VRK2: variants seen among roughly 807,000 people sequenced by gnomAD.
VRK2 encodes the protein VRK serine/threonine kinase 2.
A neutral mutation model predicts 57.6 loss-of-function variants in VRK2; 60 were observed. The ratio of observed to expected loss-of-function variants is 1.04; its 90% CI spans 0.85 to 1.29. The LOEUF (loss-of-function observed/expected upper bound fraction) is 1.29. VRK2 is among the 50% of genes most tolerant of loss of function. The pLI, the probability that VRK2 is intolerant of heterozygous loss-of-function variation, is 0.00. For synonymous variants in VRK2, 231 were observed against 199.2 expected, an observed-to-expected ratio of 1.16 and a Z score of -1.35; for missense variants, 705 against 588.1, an observed-to-expected ratio of 1.20 and a Z score of -2.06.
At chr2:58,096,408 G>A (rs1184750697) in intron 7 of VRK2, among the ~76,000 whole-genome samples, 1 of 151,926 alleles carries the variant, frequency 6.6e-6, no homozygotes. Flanking sequence ...GTAGTTCTTT[G>A]TGATTCTCTA....
rs1682135370 is a variant in VRK2 at position 58,146,385 on chromosome 2, C to T, written c.1093C>T (p.His365Tyr). Residue 365 changes from histidine (H) to tyrosine (Y), a missense_variant, in exon 12 of 13, where the codon CAC (histidine) becomes TAC (tyrosine). Physicochemically the swap from His to Tyr is moderately conservative, Grantham distance 83 (BLOSUM62 2). Transcript: ENST00000340157. ...AHNRLIEKKV[H>Y]SERSAESCAT... The stretch of plus-strand genomic sequence containing the variant: ...CAATAGGTTAATCGAAAAAAAAGTC[C>T]ACAGTGAGAGAAGCGCTGAGTCCTG... 1.2e-6 allele frequency: 2 copies of T among 1,611,622 alleles called. No individual in the cohort carries two copies. The highest frequency in any genetic ancestry group is 1.3e-5 in the African/African-American group (1 of 74,856).
At chr2:57,920,828 G>C (rs974074196) in intron 1 of VRK2, among the ~76,000 whole-genome samples, 1 of 152,084 alleles carries the variant, frequency 6.6e-6, no homozygotes, top group Non-Finnish European at 1.5e-5. Flanking sequence ...CTCCGGCTGG[G>C]TGTAGGTGGC....
chr2:57,950,640 T>TG (rs1671398179), intron 1 of VRK2, among the ~76,000 whole-genome samples: 1 of 152,268 alleles, frequency 6.6e-6, no homozygotes, highest in Non-Finnish European at 1.5e-5. Flanking sequence ...TTCATTCTGC[T>TG]GCTCATGGAT....
At chr2:58,011,543 C>T (rs944307598) in intron 1 of VRK2, among the ~76,000 whole-genome samples, 1 of 152,182 alleles carries the variant, frequency 6.6e-6, no homozygotes, top group Non-Finnish European at 1.5e-5. Context: ...GGAAGAAACA[C>T]ACAAGTTGTG....
chr2:58,133,337 A>G (rs1206209218), intron 9 of VRK2, among the ~76,000 whole-genome samples: 2 of 152,160 alleles, frequency 1.3e-5, no homozygotes, highest in African/African-American at 4.8e-5. Context: ...TAATATCTTC[A>G]TTTTGACTTG....
intron 12 of VRK2, chr2:58,147,311 T>C (rs935612989): frequency 7.3e-6 from 3 of 411,554 alleles, no homozygotes; most frequent in Non-Finnish European, 1.5e-5. Context: ...GAAATGCTTT[T>C]TTTAGTACTA....
chr2:57,955,213 C>T (rs899569790), intron 1 of VRK2, among the ~76,000 whole-genome samples: 2 of 152,042 alleles, frequency 1.3e-5, no homozygotes, highest in African/African-American at 4.8e-5. Flanking sequence ...ATCATAGAGT[C>T]TTAAATACCA....
intron 1 of VRK2, among the ~76,000 whole-genome samples, chr2:58,011,791 C>T (rs1315513027): frequency 6.6e-6 from 1 of 152,080 alleles, no homozygotes; most frequent in East Asian, 1.9e-4. Flanking sequence ...CATTGTTATG[C>T]CACAGTTTAT....
At chr2:57,979,981 G>C (rs1412641481) in intron 1 of VRK2, among the ~76,000 whole-genome samples, 1 of 151,938 alleles carries the variant, frequency 6.6e-6, no homozygotes, top group African/African-American at 2.4e-5. Context: ...TTCTTTCAAA[G>C]AACAAATTTT....
intron 10 of VRK2, among the ~76,000 whole-genome samples, chr2:58,137,939 A>G (rs1350591226): frequency 6.6e-6 from 1 of 152,028 alleles, no homozygotes; most frequent in East Asian, 2.0e-4. Context: ...GTAATAATAA[A>G]TTTATAATGG....
chr2:57,911,217 G>C (rs924657439), intron 1 of VRK2, among the ~76,000 whole-genome samples: 3 of 152,048 alleles, frequency 2.0e-5, no homozygotes, highest in African/African-American at 7.2e-5. Flanking sequence ...AGATATTCTA[G>C]ATTATAAACA....
chr2:57,933,317 T>C (rs1319301081), intron 1 of VRK2, among the ~76,000 whole-genome samples: 1 of 132,388 alleles, frequency 7.6e-6, no homozygotes, highest in Non-Finnish European at 1.6e-5. Flanking sequence ...TTCTTTTTTT[T>C]TTTTTTTTTT....
chr2:57,925,675 A>G lies in VRK2; in HGVS notation c.-439+17836A>G, dbSNP rs1232248573. ...TTTGTTGATCTTTTGAATTTTTTTC[A>G]TTTCAGTTTCATTTATTTCTGCTCT... On this transcript the variant is annotated intron_variant, in intron 1 of 15. Transcript: ENST00000417641. Among the ~76,000 whole-genome samples the G allele has an allele frequency of 2.0e-5, 3 of 150,360 alleles. No individual in the cohort carries two copies. In the South Asian group the frequency reaches 6.2e-4, roughly 31 times the overall value.
At chr2:58,004,013 G>C (rs1673168028) in intron 1 of VRK2, among the ~76,000 whole-genome samples, 1 of 151,972 alleles carries the variant, frequency 6.6e-6, no homozygotes, top group Non-Finnish European at 1.5e-5. Context: ...GCAAATATTA[G>C]GAAATGCTTT....
At chr2:58,138,702 C>T (rs141490711) in intron 10 of VRK2, among the ~76,000 whole-genome samples, 95 of 152,224 alleles carry the variant, frequency 6.2e-4, no homozygotes, top group African/African-American at 1.9e-3. Context: ...GTTTTCCCAC[C>T]ATGGATATAA....
chr2:58,047,320 C>G, intron 1 of VRK2: 2 of 671,654 alleles, frequency 3.0e-6, no homozygotes, highest in Non-Finnish European at 3.7e-6. Flanking sequence ...CATGTTAACC[C>G]CTGGGTACCA....
chr2:57,927,192 T>C (rs1055587852), intron 1 of VRK2, among the ~76,000 whole-genome samples: 1 of 152,058 alleles, frequency 6.6e-6, no homozygotes. Flanking sequence ...TTTTGAACTT[T>C]TTGTTGTTTC....
At chr2:58,138,090 T>C (rs1197937017) in intron 10 of VRK2, among the ~76,000 whole-genome samples, 1 of 152,220 alleles carries the variant, frequency 6.6e-6, no homozygotes, top group Non-Finnish European at 1.5e-5. Flanking sequence ...TAACAGTGAT[T>C]TGTTCCCAGC....
upstream of VRK2, chr2:58,046,726 G>A: frequency 1.0e-6 from 1 of 985,550 alleles, no homozygotes; most frequent in African/African-American, 1.7e-5. Context: ...CAGCTGGAGA[G>A]AAGTTAGGCA....
Sources: gnomAD v4.1 joint callset for allele counts (sites outside exome capture counted in the v4.1 genomes callset) on GRCh38, gnomAD v4.1.1 for gene constraint, MANE v1.5 for transcripts, NCBI Gene and HGNC (gene_info 2026-07-23, HGNC 2026-07-21) for gene names.